CES5A: variants seen among roughly 807,000 people sequenced by gnomAD.
CES5A encodes the protein carboxylesterase 5.
CES5A carries 67 observed loss-of-function variants against 62.9 expected under a neutral mutation model. The ratio of observed to expected loss-of-function variants is 1.07; its 90% CI spans 0.88 to 1.31. The LOEUF (loss-of-function observed/expected upper bound fraction) is 1.31. Among genes scored for constraint, CES5A ranks in the 50% most tolerant of loss-of-function variants. CES5A has a pLI of 0.00. For missense variants in CES5A, 748 were observed against 708.5 expected, an observed-to-expected ratio of 1.06 and a Z score of -0.63; for synonymous variants, 296 against 280.8, an observed-to-expected ratio of 1.05 and a Z score of -0.54.
At chr16:55,876,413 G>T (rs1007320024), upstream of CES5A, among the ~76,000 whole-genome samples, 1 of 152,136 alleles carries the variant, frequency 6.6e-6, no homozygotes, top group Non-Finnish European at 1.5e-5. Context: ...CCATTACAAC[G>T]AAAGGGTGGT....
At chr16:55,884,183 A>C (rs1265359826) in intron 1 of CES5A, among the ~76,000 whole-genome samples, 1 of 152,228 alleles carries the variant, frequency 6.6e-6, no homozygotes, top group Non-Finnish European at 1.5e-5. Context: ...AAGATCTGAC[A>C]ATTGCCACAG....
intron 2 of CES5A, among the ~76,000 whole-genome samples, chr16:55,936,812 T>C (rs1349226883): frequency 6.6e-6 from 1 of 152,204 alleles, no homozygotes; most frequent in African/African-American, 2.4e-5. Flanking sequence ...ATCTATTAAA[T>C]ATAAAGTATT....
intron 7 of CES5A, 89 bp downstream of exon 7, chr16:55,861,323 A>G (rs1195150731): frequency 4.1e-6 from 3 of 723,628 alleles, no homozygotes; most frequent in Non-Finnish European, 7.2e-6. Flanking sequence ...CTATGTTCCA[A>G]ATTCAAATAA....
chr16:55,927,202 C>A (rs1395467656), upstream of CES5A, among the ~76,000 whole-genome samples: 1 of 152,052 alleles, frequency 6.6e-6, no homozygotes, highest in Non-Finnish European at 1.5e-5. Flanking sequence ...GACATTGACC[C>A]AGGCAAAGAA....
chr16:55,901,785 T>A (rs1163310566), intron 1 of CES5A, among the ~76,000 whole-genome samples: 1 of 152,154 alleles, frequency 6.6e-6, no homozygotes, highest in Non-Finnish European at 1.5e-5. Context: ...ACCCAAGGGC[T>A]CTTGCAAATG....
At chr16:55,881,835 G>A (rs909327945) in intron 1 of CES5A, among the ~76,000 whole-genome samples, 1 of 152,082 alleles carries the variant, frequency 6.6e-6, no homozygotes, top group Non-Finnish European at 1.5e-5. Flanking sequence ...CCCTAGTATC[G>A]GTGTGAATGA....
chr16:55,890,247 C>A (rs986868196), intron 1 of CES5A, among the ~76,000 whole-genome samples: 2 of 151,752 alleles, frequency 1.3e-5, no homozygotes, highest in Non-Finnish European at 2.9e-5. Flanking sequence ...AATGAAAGAA[C>A]CTGAAATTTT....
At chr16:55,887,925 G>A (rs542370411) in intron 1 of CES5A, among the ~76,000 whole-genome samples, 2 of 152,240 alleles carry the variant, frequency 1.3e-5, no homozygotes, top group South Asian at 2.1e-4. Flanking sequence ...GTTCTTGAGC[G>A]GCCGAGTACT....
intron 4 of CES5A, 132 bp downstream of exon 4, chr16:55,869,479 C>G (rs1251142146): frequency 7.4e-7 from 1 of 1,347,624 alleles, no homozygotes; most frequent in Non-Finnish European, 9.6e-7. Context: ...CAAAAATTAC[C>G]TAAGTAATTA....
In CES5A at chr16:55,897,435, C is replaced by T. The variant is rs988374189; in HGVS notation, c.-255-23398G>A. On this transcript the variant is annotated intron_variant, in intron 1 of 12. Coordinates refer to the CES5A transcript ENST00000518005. ...GTGGCCCAGGCTCCAGGAAGGGGACCAAGATGAAGGTTTGCCTTGCTTTTC... is the reference window on the plus strand; with the variant it reads ...GTGGCCCAGGCTCCAGGAAGGGGACTAAGATGAAGGTTTGCCTTGCTTTTC... Among the ~76,000 whole-genome samples the T allele has an allele frequency of 1.1e-4, 17 of 148,692 alleles. No individual in the cohort carries two copies. The East Asian group carries it at 1.2e-3, about 10-fold the overall frequency.
intron 3 of CES5A, among the ~76,000 whole-genome samples, chr16:55,870,557 G>T (rs2033561605): frequency 6.6e-6 from 1 of 152,054 alleles, no homozygotes; most frequent in African/African-American, 2.4e-5. Flanking sequence ...AATTAGCCAG[G>T]TATGGTGGCA....
intron 1 of CES5A, among the ~76,000 whole-genome samples, chr16:55,900,090 A>AC (rs112236550): frequency 0.15 from 21,996 of 151,530 alleles, 1,680 homozygotes; most frequent in South Asian, 0.17. Flanking sequence ...CTGAATGCAG[A>AC]CCCCCCTTCA....
chr16:55,890,991 A>T (rs796597982), intron 1 of CES5A, among the ~76,000 whole-genome samples: 5 of 151,954 alleles, frequency 3.3e-5, no homozygotes, highest in African/African-American at 1.2e-4. Context: ...CTCCACCCTG[A>T]CTCATTCCGA....
At chr16:55,948,059 A>G (rs1271476646) in intron 2 of CES5A, among the ~76,000 whole-genome samples, 1 of 152,002 alleles carries the variant, frequency 6.6e-6, no homozygotes, top group Non-Finnish European at 1.5e-5. Context: ...ATAAACCAAA[A>G]AAAAAGAAAA....
chr16:55,949,370 G>A (rs1190265818), intron 2 of CES5A, among the ~76,000 whole-genome samples: 1 of 152,212 alleles, frequency 6.6e-6, no homozygotes, highest in Admixed American at 6.5e-5. Flanking sequence ...GCCGCCAGGG[G>A]CAAAACCATT....
intron 2 of CES5A, among the ~76,000 whole-genome samples, chr16:55,944,711 C>T (rs1490926605): frequency 6.6e-6 from 1 of 152,188 alleles, no homozygotes; most frequent in Non-Finnish European, 1.5e-5. Context: ...GGGATTGGTC[C>T]TGCAGGCTCT....
intron 1 of CES5A, among the ~76,000 whole-genome samples, chr16:55,900,911 C>T (rs532588138): frequency 1.2e-4 from 19 of 152,318 alleles, no homozygotes; most frequent in East Asian, 5.8e-4. Flanking sequence ...TCCCATCCCA[C>T]ATCCTCACTG....
At chr16:55,874,330 T>C (rs1205448298) in intron 1 of CES5A, among the ~76,000 whole-genome samples, 1 of 152,130 alleles carries the variant, frequency 6.6e-6, no homozygotes, top group African/African-American at 2.4e-5. Context: ...GAGAGCGCTT[T>C]CTTTCTACAG....
chr16:55,874,874 C>G (rs1262865113), intron 1 of CES5A, among the ~76,000 whole-genome samples: 1 of 152,214 alleles, frequency 6.6e-6, no homozygotes, highest in Non-Finnish European at 1.5e-5. Context: ...CTGTTCCTCA[C>G]GCTTCTCCAG....
Sources: allele counts gnomAD v4.1 joint callset (sites outside exome capture counted in the v4.1 genomes callset), GRCh38; gene constraint gnomAD v4.1.1; transcripts MANE v1.5; gene names NCBI Gene and HGNC (gene_info 2026-07-23, HGNC 2026-07-21).